Variants in NCOR2 observed in about 807,000 individuals in gnomAD.
NCOR2 encodes the protein nuclear receptor corepressor 2.
NCOR2 carries 81 observed loss-of-function variants against 262.9 expected under a neutral mutation model. That is an observed-to-expected ratio of 0.31 (90% CI 0.26 to 0.37). NCOR2 has a LOEUF of 0.37. Ranked by LOEUF, NCOR2 falls within the 10% of genes least tolerant of loss-of-function variation. NCOR2 has a pLI of 1.00. For missense variants in NCOR2, 3,385 were observed against 3,621.4 expected (o/e 0.93, Z 1.68); for synonymous variants, 1,659 against 1,559.3 (o/e 1.06, Z -1.51).
At chr12:124,345,221 C>A (rs1377233482) in intron 31 of NCOR2, among the ~76,000 whole-genome samples, 1 of 152,158 alleles carries the variant, frequency 6.6e-6, no homozygotes, top group Admixed American at 6.5e-5. Context: ...ACTCTCCCTG[C>A]CGCGAGTGGT....
Position 124,523,080 on chromosome 12 carries a change from T to C in NCOR2, c.-118+12485A>G, listed in dbSNP as rs2050275128. Among the ~76,000 whole-genome samples the C allele has an allele frequency of 6.6e-6, 1 of 152,040 alleles. No homozygotes were observed. The highest frequency in any genetic ancestry group is 1.5e-5 in the Non-Finnish European group (1 of 68,002). On this transcript the variant is annotated intron_variant, in intron 1 of 46. Coordinates refer to the NCOR2 transcript ENST00000404621. This position sits in a 1 kb window ranked among gnomAD's most constrained non-coding sequence, Gnocchi z 4.0. Reference sequence around the variant, plus strand: ...CCTATTTCCCCATCCAGGCCCGGGATTCTTCTCCACAAAAGCATCAAAATG... The same window carrying C: ...CCTATTTCCCCATCCAGGCCCGGGACTCTTCTCCACAAAAGCATCAAAATG...
At chr12:124,381,083 C>T (rs924245350) in intron 17 of NCOR2, among the ~76,000 whole-genome samples, 1 of 152,172 alleles carries the variant, frequency 6.6e-6, no homozygotes, top group Admixed American at 6.5e-5. Flanking sequence ...AACTCTCCAA[C>T]ACCTGGATAC....
In NCOR2 at chr12:124,461,060, G is replaced by A. The variant is rs1236059114; in HGVS notation, c.706-3898C>T. ...CAGGGACTGCTCCGGCCCAAAGGAG[G>A]GCTTCAGGCTGGGCTGCCACCTTCC... is the stretch of plus-strand genomic sequence containing the variant. On this transcript the variant is annotated intron_variant, in intron 5 of 46. Coordinates refer to ENST00000405201, the Ensembl canonical transcript of NCOR2. Among the ~76,000 whole-genome samples the A allele has an allele frequency of 2.6e-5, 4 of 152,248 alleles. No individual in the cohort carries two copies. In the East Asian group the frequency reaches 7.7e-4, roughly 29 times the overall value.
chr12:124,465,903 C>T (rs1265380565), intron 5 of NCOR2, among the ~76,000 whole-genome samples: 2 of 152,224 alleles, frequency 1.3e-5, no homozygotes, highest in African/African-American at 4.8e-5. Context: ...TCCTGGAGCC[C>T]AAAACCTCTG....
exon 29 of NCOR2, chr12:124,348,276 T>C (rs752927482): frequency 1.2e-6 from 2 of 1,612,810 alleles, no homozygotes; most frequent in Non-Finnish European, 8.5e-7. Flanking sequence ...GAGCTGCTTC[T>C]GCCGTCCTCC....
At chr12:124,355,685 C>G in intron 23 of NCOR2, 114 bp from the exon 26 acceptor site, 1 of 1,373,574 alleles carries the variant, frequency 7.3e-7, no homozygotes, top group Non-Finnish European at 9.5e-7. Flanking sequence ...AGTGCCCATC[C>G]ATGCGCACTC....
chr12:124,527,845 C>T (rs781300210), intron 1 of NCOR2, among the ~76,000 whole-genome samples: 1 of 152,230 alleles, frequency 6.6e-6, no homozygotes, highest in Non-Finnish European at 1.5e-5. Context: ...ACAAACCCAA[C>T]TGCAGCATAA....
upstream of NCOR2, chr12:124,538,141 TA>T (rs2137200694): frequency 6.6e-6 from 1 of 152,530 alleles, no homozygotes; most frequent in South Asian, 2.1e-4. Context: ...CATCTTCTCC[TA>T]ACCTGCTCCC....
intron 1 of NCOR2, among the ~76,000 whole-genome samples, chr12:124,544,967 T>C (rs2051494846): frequency 6.6e-6 from 1 of 152,158 alleles, no homozygotes; most frequent in South Asian, 2.1e-4. Flanking sequence ...TGTCATTTTT[T>C]AAAGCCTGAG....
chr12:124,399,739 T>C (rs557880963), intron 15 of NCOR2, among the ~76,000 whole-genome samples: 44 of 152,300 alleles, frequency 2.9e-4, no homozygotes, highest in Non-Finnish European at 5.7e-4. Flanking sequence ...GCCTGAGCGC[T>C]TGGGCCCCTG....
intron 3 of NCOR2, among the ~76,000 whole-genome samples, chr12:124,479,785 C>T (rs1441378220): frequency 6.6e-6 from 1 of 152,238 alleles, no homozygotes; most frequent in Non-Finnish European, 1.5e-5. Context: ...ACCAGGGAGA[C>T]CAGAGGGGAG....
At chr12:124,535,872 G>C (rs1381869196), upstream of NCOR2, among the ~76,000 whole-genome samples, 1 of 143,676 alleles carries the variant, frequency 7.0e-6, no homozygotes, top group African/African-American at 2.6e-5. Flanking sequence ...TTCAATCCCA[G>C]ATGTGTGGGT....
chr12:124,325,484 AG>A lies in NCOR2; in HGVS notation c.7462del (p.Leu2488SerfsTer86). The A allele has an allele frequency of 7.4e-7, 1 of 1,343,518 alleles. No homozygotes were observed. The highest frequency in any genetic ancestry group is 1.9e-5 in the South Asian group (1 of 53,360). 83.2% of individuals were successfully genotyped at this position (1,343,518 alleles called of 1,614,324 possible). ...GTCCCAGGCGTGGTGGGGGCCAGCG[AG>A]GGGCCCGCTGCCCGCGGGGAGGCCC... On this transcript the variant is annotated frameshift_variant, in exon 47 of 47. Transcript: ENST00000405201. LOFTEE classifies it high-confidence loss of function.
intron 13 of NCOR2, among the ~76,000 whole-genome samples, chr12:124,417,476 C>T (rs1303337197): frequency 6.6e-6 from 1 of 152,192 alleles, no homozygotes; most frequent in African/African-American, 2.4e-5. Flanking sequence ...TCAGAGCCCC[C>T]AGCCCAGCTA....
intron 1 of NCOR2, among the ~76,000 whole-genome samples, chr12:124,510,120 G>A (rs2049308060): frequency 6.6e-6 from 1 of 152,186 alleles, no homozygotes; most frequent in South Asian, 2.1e-4. Flanking sequence ...TCAGTTTCCT[G>A]GGTTGTAAAA....
chr12:124,491,426 C>A (rs1440839922), intron 1 of NCOR2, among the ~76,000 whole-genome samples: 1 of 152,236 alleles, frequency 6.6e-6, no homozygotes, highest in Non-Finnish European at 1.5e-5. Flanking sequence ...CCACTTGCCC[C>A]CTGTTTCACA....
chr12:124,329,647 G>C (rs2035011656), intron 44 of NCOR2, among the ~76,000 whole-genome samples: 2 of 152,114 alleles, frequency 1.3e-5, no homozygotes, highest in African/African-American at 4.8e-5. Context: ...GAGGCTGAGA[G>C]GTAGGAGGAT....
At chr12:124,344,683 T>G in exon 32 of NCOR2, 1 of 1,521,222 alleles carries the variant, frequency 6.6e-7, no homozygotes, top group South Asian at 1.2e-5. Flanking sequence ...GTGGTCCTCA[T>G]AGGTCAGGGG....
chr12:124,463,921 G>T (rs543173029), intron 5 of NCOR2, among the ~76,000 whole-genome samples: 1 of 151,450 alleles, frequency 6.6e-6, no homozygotes, highest in African/African-American at 2.4e-5. Flanking sequence ...CTGAATATTT[G>T]CACAATAATT....
Sources: allele counts gnomAD v4.1 joint callset (sites outside exome capture counted in the v4.1 genomes callset), GRCh38; gene constraint gnomAD v4.1.1; non-coding constraint Gnocchi (gnomAD v3.1); transcripts MANE v1.5; gene names NCBI Gene and HGNC (gene_info 2026-07-23, HGNC 2026-07-21).